Variants in BRWD1 observed in about 807,000 individuals in gnomAD.
The protein encoded by BRWD1 is bromodomain and WD repeat domain containing 1, also known as bromodomain and WD repeat-containing protein 1.
Under a neutral mutation model 251.2 loss-of-function variants are expected in BRWD1, and 82 were observed. That is an observed-to-expected ratio of 0.33 (90% CI 0.27 to 0.39). The LOEUF (loss-of-function observed/expected upper bound fraction) is 0.39, where lower values mean the gene tolerates loss of function less well. Ranked by LOEUF, BRWD1 falls within the 10% of genes least tolerant of loss-of-function variation. BRWD1 has a pLI of 1.00. For missense variants in BRWD1, 2,233 were observed against 2,711.6 expected (o/e 0.82, Z 3.92); for synonymous variants, 918 against 902.8 (o/e 1.02, Z -0.30).
Position 39,192,877 on chromosome 21 carries a change from C to T in BRWD1, c.*3382G>A, listed in dbSNP as rs1282910365. ...ACTAACAGAAAATATTAAAATTCTT[C>T]CTATTTTTAATATCAAACAGGGAGG... is the stretch of plus-strand genomic sequence containing the variant. On this transcript the variant is annotated 3_prime_UTR_variant, in exon 41 of 41. Coordinates refer to ENST00000342449, the MANE Select transcript of BRWD1 (RefSeq NM_033656.4). 2 of 760,914 alleles carry T rather than the reference C, an allele frequency of 2.6e-6. No homozygotes were observed. Among genetic ancestry groups the T allele is most frequent in the South Asian group, 5.4e-5 (1 of 18,512 alleles). The allele number at this position is 760,914 out of a possible 1,614,324, so 47.1% of individuals were successfully genotyped here. A position where few individuals can be genotyped will look rare whatever the true frequency, so the allele number is the denominator to read the frequency against.
At chr21:39,204,559 A>T (rs946592792) in intron 37 of BRWD1, among the ~76,000 whole-genome samples, 1 of 152,226 alleles carries the variant, frequency 6.6e-6, no homozygotes, top group Non-Finnish European at 1.5e-5. Context: ...ACTGAGGTAC[A>T]TTGTATCAAG....
chr21:39,318,189 A>G (rs558830274), upstream of BRWD1, among the ~76,000 whole-genome samples: 4 of 152,352 alleles, frequency 2.6e-5, no homozygotes, highest in South Asian at 6.2e-4. Flanking sequence ...GAAGCCCAAC[A>G]ACGTTAAATA....
In BRWD1 at chr21:39,199,178, TG is replaced by T; in HGVS notation, c.5237del (p.Ser1746Ter). 1 of 1,614,174 alleles carries T rather than the reference TG, an allele frequency of 6.2e-7. No homozygotes were observed. Among genetic ancestry groups the T allele is most frequent in the Non-Finnish European group, 8.5e-7 (1 of 1,180,040 alleles). On this transcript the variant is annotated frameshift_variant, in exon 40 of 41. Coordinates refer to ENST00000342449, the MANE Select transcript of BRWD1 (RefSeq NM_033656.4). LOFTEE classifies it high-confidence loss of function. Reference sequence around the variant, plus strand: ...ACTCTATTTTAAGAAATTTTGTCTTTGAAGGTGCTGGAGTATGGGACTTGTA... The same window carrying T: ...ACTCTATTTTAAGAAATTTTGTCTTTAAGGTGCTGGAGTATGGGACTTGTA... ...NGYKSHTPAP[S>X]KTKFLKIESS...
intron 25 of BRWD1, 62 bp from the exon 26 acceptor site, chr21:39,229,498 C>T (rs1601331897): frequency 1.4e-6 from 2 of 1,448,538 alleles, no homozygotes; most frequent in East Asian, 2.3e-5. Flanking sequence ...TATAATTCTC[C>T]ACATACTGTT....
Position 39,220,009 on chromosome 21 carries a change from C to A in BRWD1, c.3383-1349G>T, listed in dbSNP as rs77552779. 4.6e-5 allele frequency among the ~76,000 whole-genome samples: 7 copies of A among 151,682 alleles called. No homozygotes were observed. In the South Asian group the frequency reaches 1.5e-3, roughly 31 times the overall value. On this transcript the variant is annotated intron_variant, in intron 29 of 40. Transcript: ENST00000342449. ...CAAAAGGAAGAGGAAAGACGCTGTACAGGCAGGCAACATAAAGTGCTTTAA... is the reference window on the plus strand; with the variant it reads ...CAAAAGGAAGAGGAAAGACGCTGTAAAGGCAGGCAACATAAAGTGCTTTAA...
chr21:39,290,178 T>C (rs929125731), intron 8 of BRWD1, among the ~76,000 whole-genome samples: 2 of 152,004 alleles, frequency 1.3e-5, no homozygotes, highest in African/African-American at 4.8e-5. Flanking sequence ...TCATCAGTTG[T>C]GTTCAGATGC....
At chr21:39,209,476 T>C (rs2032562681) in intron 36 of BRWD1, among the ~76,000 whole-genome samples, 5 of 151,668 alleles carry the variant, frequency 3.3e-5, no homozygotes, top group Non-Finnish European at 7.4e-5. Context: ...TGTGTCATAA[T>C]ATTAGCTTCT....
chr21:39,272,576 T>C (rs995166893), intron 13 of BRWD1, among the ~76,000 whole-genome samples: 6 of 150,092 alleles, frequency 4.0e-5, no homozygotes, highest in Non-Finnish European at 5.9e-5. Context: ...TTCTTCACTT[T>C]AAACTAAAAG....
Position 39,280,154 on chromosome 21 carries a change from T to G in BRWD1, c.926A>C (p.Lys309Thr). ...CATAATTAAAGCCACTTACCTAAAT[T>G]TTAAGGATTCTAAATCCCATTGCCA... ...CFWQWDLESL[K>T]FSPRPLKFTE... Residue 309 changes from lysine (K) to threonine (T), a missense_variant, in exon 9 of 41, where the codon AAA (lysine) becomes ACA (threonine). This residue lies in a region of BRWD1 where 315 missense variants were observed against 421.8 expected (regional missense o/e 0.75). Coordinates refer to ENST00000342449, the MANE Select transcript of BRWD1 (RefSeq NM_033656.4). 6.3e-7 allele frequency: 1 copy of G among 1,591,942 alleles called. No homozygotes were observed. The highest frequency in any genetic ancestry group is 8.5e-7 in the Non-Finnish European group (1 of 1,172,350).
upstream of BRWD1, among the ~76,000 whole-genome samples, chr21:39,318,398 T>A (rs1284148276): frequency 6.6e-6 from 1 of 152,164 alleles, no homozygotes; most frequent in African/African-American, 2.4e-5. Flanking sequence ...TTAGTTTTAA[T>A]GCAAATTTGT....
chr21:39,277,342 A>G lies in BRWD1; in HGVS notation c.1013T>C (p.Phe338Ser). The G allele has an allele frequency of 1.3e-6, 2 of 1,585,732 alleles. No individual in the cohort carries two copies. The highest frequency in any genetic ancestry group is 8.6e-7 in the Non-Finnish European group (1 of 1,164,666). Residue 338 changes from phenylalanine to serine, a missense_variant, in exon 11 of 41, where the codon TTT becomes TCT. Phe to Ser is a radical substitution (Grantham distance 155). Coordinates refer to ENST00000342449, the MANE Select transcript of BRWD1 (RefSeq NM_033656.4). ...ATGATCAGTACTACCTGTGGCTAAA[A>G]ACATACCACCTGAAATAAAAATGGT... ...LCSSFSVGGM[F>S]LATGSTDHVI...
intron 37 of BRWD1, 24 bp downstream of exon 37, chr21:39,206,080 TAAAG>T (rs111238612): frequency 8.9e-6 from 14 of 1,578,874 alleles, no homozygotes; most frequent in African/African-American, 8.2e-5. Flanking sequence ...AATAAATAAA[TAAAG>T]CAAGCTTGCC....
intron 15 of BRWD1, among the ~76,000 whole-genome samples, chr21:39,269,536 T>C (rs1479147338): frequency 6.6e-6 from 1 of 152,196 alleles, no homozygotes; most frequent in Non-Finnish European, 1.5e-5. Flanking sequence ...TGTCATTTTA[T>C]TTTATTACTA....
chr21:39,278,418 A>C (rs2035345340), intron 10 of BRWD1: 1 of 255,652 alleles, frequency 3.9e-6, no homozygotes, highest in Non-Finnish European at 7.3e-6. Flanking sequence ...TATCAAACAT[A>C]CACAGTTTAG....
At position 39,210,121 on chromosome 21, in the gene BRWD1, TG is replaced by T; in HGVS notation, c.4070del (p.Pro1357GlnfsTer7). 6.2e-7 allele frequency: 1 copy of T among 1,611,636 alleles called. No individual in the cohort carries two copies. Among genetic ancestry groups the T allele is most frequent in the Non-Finnish European group, 8.5e-7 (1 of 1,177,956 alleles). On this transcript the variant is annotated frameshift_variant, in exon 36 of 41. Coordinates refer to ENST00000342449, the MANE Select transcript of BRWD1 (RefSeq NM_033656.4). LOFTEE classifies it high-confidence loss of function. ...TTTCCCTTACTGTTCCAAAATCCAT[TG>T]GGGTATCTATAATATCTCTGTAGTC... ...YPDYRDIIDT[P>X]MDFGTVRETL...
At chr21:39,229,998 C>CA (rs2033547115) in intron 25 of BRWD1, among the ~76,000 whole-genome samples, 1 of 152,194 alleles carries the variant, frequency 6.6e-6, no homozygotes, top group Non-Finnish European at 1.5e-5. Context: ...AACAGCTTCC[C>CA]AAAGTGCTGG....
intron 1 of BRWD1, among the ~76,000 whole-genome samples, chr21:39,319,863 T>C (rs960562610): frequency 2.0e-5 from 3 of 152,230 alleles, no homozygotes; most frequent in Non-Finnish European, 4.4e-5. Flanking sequence ...TTTTTTTCTT[T>C]TCATTTATTT....
At chr21:39,305,681 G>A (rs1422520173) in intron 4 of BRWD1, among the ~76,000 whole-genome samples, 4 of 152,024 alleles carry the variant, frequency 2.6e-5, no homozygotes, top group Non-Finnish European at 5.9e-5. Context: ...TGGCCAACAC[G>A]GTGAAACCCT....
intron 21 of BRWD1, among the ~76,000 whole-genome samples, chr21:39,241,067 A>AT (rs767748242): frequency 0.029 from 4,046 of 141,740 alleles, 168 homozygotes; most frequent in African/African-American, 0.092. Context: ...CGCCCAGCTA[A>AT]TTTTTTTTTT....
Sources: allele counts gnomAD v4.1 joint callset (sites outside exome capture counted in the v4.1 genomes callset), GRCh38; gene constraint gnomAD v4.1.1; regional missense constraint gnomAD v4.1.1; transcripts MANE v1.5; gene names NCBI Gene and HGNC (gene_info 2026-07-23, HGNC 2026-07-21).